The following AFG1L variants were observed in gnomAD, a reference collection of about 807,000 sequenced individuals.
AFG1L encodes the protein AFG1 like ATPase, also known as AFG1-like ATPase.
In AFG1L, 53 loss-of-function variants were observed where a neutral mutation model predicts 62.2. The ratio of observed to expected loss-of-function variants is 0.85; its 90% confidence interval spans 0.68 to 1.07. The LOEUF (loss-of-function observed/expected upper bound fraction) is 1.07, where lower values mean the gene tolerates loss of function less well. Ranked by LOEUF, AFG1L falls within the 50% of genes least tolerant of loss-of-function variation. The pLI is 0.00. For synonymous variants in AFG1L, 228 were observed against 210.3 expected (o/e 1.08, Z -0.73); for missense variants, 555 against 590.5 (o/e 0.94, Z 0.62).
intron 5 of AFG1L, 44 bp downstream of exon 5, chr6:108,356,864 G>A: frequency 6.8e-7 from 1 of 1,479,676 alleles, no homozygotes; most frequent in Non-Finnish European, 9.2e-7. Flanking sequence ...TATATTGAAT[G>A]AGGTATGAAG....
At chr6:108,353,777 A>G (rs559593128) in intron 3 of AFG1L, among the ~76,000 whole-genome samples, 1 of 152,226 alleles carries the variant, frequency 6.6e-6, no homozygotes, top group Non-Finnish European at 1.5e-5. Flanking sequence ...TTTAAAATCT[A>G]CTGCTAATCA....
intron 2 of AFG1L, among the ~76,000 whole-genome samples, chr6:108,342,118 ATGCAGC>A (rs1778704432): frequency 6.6e-6 from 1 of 152,142 alleles, no homozygotes; most frequent in Non-Finnish European, 1.5e-5. Flanking sequence ...GTCTGGAGGG[ATGCAGC>A]TCTACTGGGA....
intron 11 of AFG1L, among the ~76,000 whole-genome samples, chr6:108,512,321 G>C (rs1006802304): frequency 1.3e-5 from 2 of 152,172 alleles, no homozygotes; most frequent in Non-Finnish European, 2.9e-5. Context: ...GCTGAGGGAA[G>C]CCCACCTAAG....
At chr6:108,381,428 G>A (rs758030953) in intron 6 of AFG1L, among the ~76,000 whole-genome samples, 10 of 151,818 alleles carry the variant, frequency 6.6e-5, no homozygotes, top group Admixed American at 2.0e-4. Flanking sequence ...GGACCTGGGT[G>A]CATTTGCACA....
chr6:108,490,756 A>T (rs1180339447), intron 10 of AFG1L, among the ~76,000 whole-genome samples: 1 of 152,164 alleles, frequency 6.6e-6, no homozygotes, highest in Non-Finnish European at 1.5e-5. Flanking sequence ...TTCTCAGGCT[A>T]CTTCTTTATG....
At chr6:108,336,075 G>T (rs941314830) in intron 2 of AFG1L, among the ~76,000 whole-genome samples, 1 of 152,188 alleles carries the variant, frequency 6.6e-6, no homozygotes, top group African/African-American at 2.4e-5. Flanking sequence ...CATTTAAAGA[G>T]AATTTATGGG....
chr6:108,434,354 T>C (rs890445609), intron 7 of AFG1L, among the ~76,000 whole-genome samples: 2 of 152,174 alleles, frequency 1.3e-5, no homozygotes, highest in African/African-American at 4.8e-5. Context: ...GCCACCGAAC[T>C]GAATGATCCT....
In AFG1L at chr6:108,316,423, AT is replaced by A. The variant is rs1180534750; in HGVS notation, c.140-7399del. On this transcript the variant is annotated intron_variant, in intron 1 of 12. Transcript: ENST00000368977. Reference sequence around the variant, plus strand: ...AAAAAAAAAAATCGGAAAGTTGTATATTTAAAGGACTTGCCTCAGATTAAAC... The same window carrying A: ...AAAAAAAAAAATCGGAAAGTTGTATATTAAAGGACTTGCCTCAGATTAAAC... 3.5e-4 allele frequency among the ~76,000 whole-genome samples: 53 copies of A among 149,328 alleles called. No homozygotes were observed. The East Asian group carries it at 9.6e-3, about 27-fold the overall frequency.
chr6:108,323,811 G>A lies in AFG1L; in HGVS notation c.140-14G>A. 6.3e-7 allele frequency: 1 copy of A among 1,591,186 alleles called. No homozygotes were observed. Among genetic ancestry groups the A allele is most frequent in the Non-Finnish European group, 8.6e-7 (1 of 1,161,996 alleles). On this transcript the variant is annotated splice_polypyrimidine_tract_variant and intron_variant, in intron 1 of 12. Transcript: ENST00000368977. ...TATTTAAGAAAGTCTAAAATTTTAT[G>A]TTTTTGTTTATAGCCTATACGGTTC...
intron 1 of AFG1L, among the ~76,000 whole-genome samples, chr6:108,314,398 T>TC (rs200783788): frequency 1.4e-5 from 2 of 144,760 alleles, no homozygotes; most frequent in African/African-American, 5.0e-5. Flanking sequence ...TGCTTCTTCT[T>TC]TTTTTTTTTT....
At chr6:108,340,498 G>A (rs1778641790) in intron 2 of AFG1L, among the ~76,000 whole-genome samples, 1 of 151,926 alleles carries the variant, frequency 6.6e-6, no homozygotes, top group Admixed American at 6.6e-5. Context: ...CCAAGTAGCT[G>A]GGATTACAGG....
intron 7 of AFG1L, among the ~76,000 whole-genome samples, chr6:108,402,986 T>C (rs1302585159): frequency 6.6e-6 from 1 of 152,078 alleles, no homozygotes; most frequent in Non-Finnish European, 1.5e-5. Flanking sequence ...ATAGCCTCCT[T>C]TTTTACTATT....
intron 10 of AFG1L, among the ~76,000 whole-genome samples, chr6:108,502,616 A>G (rs1430286105): frequency 6.6e-6 from 1 of 152,170 alleles, no homozygotes; most frequent in East Asian, 1.9e-4. Context: ...CTGGGATTAT[A>G]GGCATGAACC....
At chr6:108,380,093 A>G (rs890544058) in intron 6 of AFG1L, among the ~76,000 whole-genome samples, 1 of 150,632 alleles carries the variant, frequency 6.6e-6, no homozygotes, top group Non-Finnish European at 1.5e-5. Context: ...ACGTGCACGC[A>G]GGTGGTCTGA....
chr6:108,451,520 T>G (rs1772053270), intron 8 of AFG1L, among the ~76,000 whole-genome samples: 1 of 152,230 alleles, frequency 6.6e-6, no homozygotes, highest in East Asian at 1.9e-4. Context: ...GTTTCAGACG[T>G]TTTTGGCCCT....
chr6:108,315,865 C>T (rs760786757), intron 1 of AFG1L, among the ~76,000 whole-genome samples: 62 of 152,146 alleles, frequency 4.1e-4, no homozygotes, highest in Non-Finnish European at 6.0e-4. Flanking sequence ...CTGGGCAACA[C>T]AGGTAGAACC....
chr6:108,520,891 A>G (rs1269980739), intron 12 of AFG1L: 2 of 152,226 alleles, frequency 1.3e-5, no homozygotes, highest in Non-Finnish European at 2.9e-5. Flanking sequence ...TAAACCTCAC[A>G]TGGTGGAAGG....
chr6:108,375,489 G>C (rs115754763), intron 6 of AFG1L, among the ~76,000 whole-genome samples: 353 of 152,042 alleles, frequency 2.3e-3, no homozygotes, highest in African/African-American at 8.1e-3. Flanking sequence ...TTATTTTTTA[G>C]GTGTGTTCCT....
intron 8 of AFG1L, among the ~76,000 whole-genome samples, chr6:108,461,889 TC>T (rs1772474709): frequency 6.6e-6 from 1 of 151,896 alleles, no homozygotes; most frequent in Non-Finnish European, 1.5e-5. Context: ...GGGCAGGAGA[TC>T]AAGACCATCC....
Sources: allele counts gnomAD v4.1 joint callset (sites outside exome capture counted in the v4.1 genomes callset), GRCh38; gene constraint gnomAD v4.1.1; transcripts MANE v1.5; gene names NCBI Gene and HGNC (gene_info 2026-07-23, HGNC 2026-07-21).